The following FMNL2 variants were observed in gnomAD, a reference collection of about 807,000 sequenced individuals.
The protein encoded by FMNL2 is formin like 2.
FMNL2 carries 51 observed loss-of-function variants against 130.2 expected under a neutral mutation model. The ratio of observed to expected loss-of-function variants is 0.39; its 90% confidence interval spans 0.31 to 0.49. The LOEUF is 0.49. Ranked by LOEUF, FMNL2 falls within the 20% of genes least tolerant of loss-of-function variation. The probability of loss-of-function intolerance (pLI) is 0.85; values close to 1 mark genes in which losing one functional copy is unlikely to be tolerated. For missense variants in FMNL2, 977 were observed against 1,316.2 expected, an observed-to-expected ratio of 0.74 and a Z score of 3.99; for synonymous variants, 465 against 467.1, an observed-to-expected ratio of 1.00 and a Z score of 0.06.
At chr2:152,359,813 T>G (rs1683057980) in intron 1 of FMNL2, among the ~76,000 whole-genome samples, 1 of 152,242 alleles carries the variant, frequency 6.6e-6, no homozygotes, top group African/African-American at 2.4e-5. Flanking sequence ...TAATCTTCAC[T>G]ACTTTTTGAG....
At chr2:152,591,784 C>G (rs1000205217) in intron 9 of FMNL2, among the ~76,000 whole-genome samples, 1 of 150,576 alleles carries the variant, frequency 6.6e-6, no homozygotes, top group Non-Finnish European at 1.5e-5. Context: ...CCAGCCTGGG[C>G]GACACAGCGA....
chr2:152,594,095 G>A (rs1374323673), intron 9 of FMNL2, among the ~76,000 whole-genome samples: 1 of 152,176 alleles, frequency 6.6e-6, no homozygotes, highest in Non-Finnish European at 1.5e-5. Context: ...AAGAGGATGA[G>A]AGGATTCCTG....
chr2:152,416,276 A>G (rs781732747), intron 1 of FMNL2, among the ~76,000 whole-genome samples: 3 of 152,152 alleles, frequency 2.0e-5, no homozygotes, highest in Non-Finnish European at 4.4e-5. Context: ...GGATACAAAG[A>G]TACCTCCAGA....
chr2:152,512,396 T>C (rs1692537379), intron 1 of FMNL2, among the ~76,000 whole-genome samples: 1 of 152,184 alleles, frequency 6.6e-6, no homozygotes, highest in South Asian at 2.1e-4. Context: ...TTCCATCTAT[T>C]AGATGTTGAA....
At chr2:152,569,011 C>T (rs984757853) in intron 6 of FMNL2, among the ~76,000 whole-genome samples, 3 of 152,086 alleles carry the variant, frequency 2.0e-5, no homozygotes, top group African/African-American at 2.4e-5. Flanking sequence ...TTAGTACTTA[C>T]GTTTACCACC....
At chr2:152,567,055 G>A (rs57196961) in intron 6 of FMNL2, among the ~76,000 whole-genome samples, 8,758 of 152,220 alleles carry the variant, frequency 0.058, 668 homozygotes, top group Admixed American at 0.19. Context: ...CTCATTGGCA[G>A]TGATTTTGTT....
chr2:152,358,787 A>G (rs1682993454), intron 1 of FMNL2, among the ~76,000 whole-genome samples: 1 of 152,228 alleles, frequency 6.6e-6, no homozygotes, highest in African/African-American at 2.4e-5. Flanking sequence ...ATATGAGGTT[A>G]TTACAAGTAA....
rs181343441 is a variant in FMNL2 at position 152,510,188 on chromosome 2, T to C, written c.118-11755T>C. On this transcript the variant is annotated intron_variant, in intron 1 of 25. Transcript: ENST00000288670. ...TTGCTTTTCTGTTCCTAATTACTTA[T>C]TTGTTTAAAAGGAGATTAAAGATCT... is the stretch of plus-strand genomic sequence containing the variant. Among the ~76,000 whole-genome samples, 4 of 152,356 alleles carry C rather than the reference T, an allele frequency of 2.6e-5. No homozygotes were observed. The East Asian group carries it at 5.8e-4, about 22-fold the overall frequency.
chr2:152,397,370 G>A (rs1043425327), intron 1 of FMNL2, among the ~76,000 whole-genome samples: 5 of 122,942 alleles, frequency 4.1e-5, no homozygotes, highest in Non-Finnish European at 6.9e-5. Context: ...CCTTTTATCT[G>A]TCTGAGCCAG....
At chr2:152,474,720 A>G (rs1419500526) in intron 1 of FMNL2, among the ~76,000 whole-genome samples, 1 of 152,056 alleles carries the variant, frequency 6.6e-6, no homozygotes, top group East Asian at 1.9e-4. Flanking sequence ...AGATGCAGTC[A>G]GCACTTATTT....
rs201213645 is a variant in FMNL2, at chr2:152,604,634, C to T, written c.877-2705C>T. On this transcript the variant is annotated intron_variant, in intron 9 of 25. Coordinates refer to ENST00000288670, the MANE Select transcript of FMNL2 (RefSeq NM_052905.4). ...TTTTTGAGACAGAGTCTCACTTTGT[C>T]GCCCAGGCTGGAATGCAGTGGTATG... Among the ~76,000 whole-genome samples the T allele has an allele frequency of 5.3e-5, 8 of 152,082 alleles. No homozygotes were observed. The East Asian group carries it at 5.8e-4, about 11-fold the overall frequency.
rs769147080 is a variant in FMNL2, at chr2:152,628,582, T to C, written c.2400+49T>C. 8.6e-6 allele frequency: 13 copies of C among 1,515,900 alleles called. No individual in the cohort carries two copies. In the African/African-American group the frequency reaches 1.8e-4, roughly 21 times the overall value. 93.9% of individuals were successfully genotyped at this position (1,515,900 alleles called of 1,614,324 possible). On this transcript the variant is annotated intron_variant, in intron 18 of 25. Coordinates refer to ENST00000288670, the MANE Select transcript of FMNL2 (RefSeq NM_052905.4). ...GGAGGGGGTCCAAAGAAATGTGGAA[T>C]CGTTATTTTTTAAAGTCTCTCCCAG...
At chr2:152,606,351 G>A (rs949767259) in intron 9 of FMNL2, among the ~76,000 whole-genome samples, 6 of 152,188 alleles carry the variant, frequency 3.9e-5, no homozygotes, top group African/African-American at 1.4e-4. Context: ...AAACCAGTGG[G>A]TATAGGACTT....
intron 4 of FMNL2, among the ~76,000 whole-genome samples, chr2:152,557,632 G>A (rs1004434212): frequency 6.6e-6 from 1 of 152,208 alleles, no homozygotes; most frequent in Non-Finnish European, 1.5e-5. Context: ...CCATGGGATT[G>A]TTTTCTGCCT....
rs759390249 is a variant in FMNL2, at chr2:152,636,457, A to C, written c.2711A>C (p.Lys904Thr). The C allele has an allele frequency of 3.7e-6, 6 of 1,612,416 alleles. No individual in the cohort carries two copies. Among genetic ancestry groups the C allele is most frequent in the East Asian group, 4.5e-5 (2 of 44,846 alleles). ...CTTGAGAATGTTTTGCTGGATGTCA[A>C]GGAGCTCCAGAGGGGAATGGACTTG... ...VSLENVLLDV[K>T]ELQRGMDLTK... The change falls in exon 22 of 26, where the codon AAG becomes ACG. Residue 904 changes from lysine (K) to threonine (T), a missense_variant. Transcript: ENST00000288670.
At chr2:152,411,865 T>C (rs1408065976) in intron 1 of FMNL2, among the ~76,000 whole-genome samples, 1 of 152,234 alleles carries the variant, frequency 6.6e-6, no homozygotes, top group Non-Finnish European at 1.5e-5. Context: ...TCAGCTTTCC[T>C]TTGAGGTTAT....
intron 1 of FMNL2, among the ~76,000 whole-genome samples, chr2:152,379,145 A>G (rs180882077): frequency 2.6e-5 from 4 of 152,304 alleles, no homozygotes; most frequent in Admixed American, 2.6e-4. Context: ...AGATTTGTTT[A>G]GAGACCGCTA....
chr2:152,478,854 A>G (rs1690315297), intron 1 of FMNL2, among the ~76,000 whole-genome samples: 1 of 152,168 alleles, frequency 6.6e-6, no homozygotes, highest in African/African-American at 2.4e-5. Context: ...AAGTAGAATA[A>G]AGATGAAACT....
intron 4 of FMNL2, 47 bp from the exon 5 acceptor site, chr2:152,558,693 C>T: frequency 6.6e-7 from 1 of 1,524,888 alleles, no homozygotes; most frequent in African/African-American, 1.4e-5. Flanking sequence ...CATGGCAGGT[C>T]ATGTGATCAA....
Sources: gnomAD v4.1 joint callset for allele counts (sites outside exome capture counted in the v4.1 genomes callset) on GRCh38, gnomAD v4.1.1 for gene constraint, MANE v1.5 for transcripts, NCBI Gene and HGNC (gene_info 2026-07-23, HGNC 2026-07-21) for gene names.